SLIT2: variants seen among roughly 807,000 people sequenced by gnomAD.
SLIT2 encodes the protein slit homolog 2 protein.
In SLIT2, 41 loss-of-function variants were observed where a neutral mutation model predicts 185.7. The observed-to-expected ratio is 0.22, with a 90% CI of 0.17 to 0.29. SLIT2 has a LOEUF of 0.29. SLIT2 is among the 10% of genes least tolerant of loss of function. The probability of loss-of-function intolerance (pLI) is 1.00; values close to 1 mark genes in which losing one functional copy is unlikely to be tolerated. For synonymous variants in SLIT2, 693 were observed against 680.2 expected (o/e 1.02, Z -0.29); for missense variants, 1,571 against 1,909.0 (o/e 0.82, Z 3.30).
chr4:20,312,790 A>AG (rs1718240432), intron 4 of SLIT2, among the ~76,000 whole-genome samples: 1 of 150,226 alleles, frequency 6.7e-6, no homozygotes, highest in Non-Finnish European at 1.5e-5. Context: ...AAAAAAAAAA[A>AG]AAAGAAAGAA....
At chr4:20,329,306 TATA>T (rs1349123158) in intron 4 of SLIT2, among the ~76,000 whole-genome samples, 29 of 151,996 alleles carry the variant, frequency 1.9e-4, no homozygotes, top group African/African-American at 5.8e-4. Context: ...ACTTAATTAT[TATA>T]ATAAGATGAT....
At chr4:20,383,332 A>C (rs1285273617) in intron 4 of SLIT2, among the ~76,000 whole-genome samples, 1 of 152,208 alleles carries the variant, frequency 6.6e-6, no homozygotes, top group Non-Finnish European at 1.5e-5. Flanking sequence ...TATCTGATAA[A>C]GGATTTGTGT....
chr4:20,322,430 A>G (rs1016225694), intron 4 of SLIT2, among the ~76,000 whole-genome samples: 4 of 152,182 alleles, frequency 2.6e-5, no homozygotes, highest in African/African-American at 9.6e-5. Flanking sequence ...ATAGGTAGAT[A>G]AGAGACAAAT....
chr4:20,472,315 G>T (rs796953926), intron 5 of SLIT2, among the ~76,000 whole-genome samples: 98 of 12,704 alleles, frequency 7.7e-3, no homozygotes, highest in African/African-American at 0.014. Flanking sequence ...TCTATATATA[G>T]ATATATATAT....
rs756706565 is a variant in SLIT2 at position 20,268,883 on chromosome 4, TAAG to T, written c.395+3_395+5del. ...TGGGACTGCGAAGCTATACAGGCTG[TAAG>T]TAGACACAAATAGTTATTGTTGCTT... On this transcript the variant is annotated splice_donor_5th_base_variant and intron_variant, in intron 4 of 36. Coordinates refer to ENST00000504154, the MANE Select transcript of SLIT2 (RefSeq NM_004787.4). The T allele has an allele frequency of 1.3e-6, 2 of 1,562,660 alleles. No homozygotes were observed. Among genetic ancestry groups the T allele is most frequent in the Non-Finnish European group, 1.8e-6 (2 of 1,133,582 alleles).
intron 4 of SLIT2, among the ~76,000 whole-genome samples, chr4:20,437,853 T>C (rs1054907379): frequency 7.1e-6 from 1 of 141,328 alleles, no homozygotes; most frequent in African/African-American, 2.7e-5. Context: ...AGGCAGAGCT[T>C]GCAGTGAGCT....
intron 3 of SLIT2, among the ~76,000 whole-genome samples, chr4:20,263,519 C>T (rs1712717421): frequency 6.6e-6 from 1 of 151,712 alleles, no homozygotes; most frequent in Admixed American, 6.6e-5. Context: ...TCTACTGATG[C>T]TTGGTGTCTC....
intron 4 of SLIT2, among the ~76,000 whole-genome samples, chr4:20,270,272 A>G (rs541174077): frequency 1.3e-5 from 2 of 152,026 alleles, no homozygotes; most frequent in East Asian, 1.9e-4. Context: ...ACCTTTAGTT[A>G]TTGGTGACTG....
chr4:20,480,921 G>C (rs1031880528), intron 6 of SLIT2, 134 bp downstream of exon 6: 1 of 681,336 alleles, frequency 1.5e-6, no homozygotes, highest in Non-Finnish European at 2.6e-6. Context: ...ATAACTCATG[G>C]TGAATACAGA....
chr4:20,300,938 GTT>G (rs1463351974), intron 4 of SLIT2, among the ~76,000 whole-genome samples: 1 of 151,768 alleles, frequency 6.6e-6, no homozygotes, highest in African/African-American at 2.4e-5. Flanking sequence ...GGTATACATC[GTT>G]TTCTAATTTT....
At chr4:20,483,357 A>G (rs980665366) in intron 6 of SLIT2, among the ~76,000 whole-genome samples, 1 of 152,096 alleles carries the variant, frequency 6.6e-6, no homozygotes, top group Non-Finnish European at 1.5e-5. Flanking sequence ...TAACACTTGC[A>G]CGTTCACGGA....
chr4:20,513,023 A>C (rs546868012), intron 11 of SLIT2, among the ~76,000 whole-genome samples: 2 of 152,240 alleles, frequency 1.3e-5, no homozygotes, highest in Admixed American at 6.5e-5. Flanking sequence ...ATTATAAATT[A>C]TGTAATCTAA....
At chr4:20,589,900 CTTTTTTTTTTTT>C (rs34384249) in intron 30 of SLIT2, among the ~76,000 whole-genome samples, 163 bp downstream of exon 30, 1 of 84,502 alleles carries the variant, frequency 1.2e-5, no homozygotes, top group South Asian at 4.8e-4. Flanking sequence ...ACAATATGGA[CTTTTTTTTTTTT>C]TTTTTTTTTT....
chr4:20,527,713 C>CCCATCACATCATGCTATTTTTTCAA (rs1721421409), intron 15 of SLIT2, among the ~76,000 whole-genome samples: 1 of 152,074 alleles, frequency 6.6e-6, no homozygotes. Context: ...CATGACAATT[C>CCCATCACATCATGCTATTTTTTCAA]CCATCACATC....
Position 20,568,925 on chromosome 4 carries a change from A to C in SLIT2, c.3009A>C (p.Glu1003Asp). The change falls in exon 29 of 37, where the codon GAA (glutamate) becomes GAC (aspartate). Residue 1003 changes from glutamate to aspartate, a missense_variant. Glu to Asp is a conservative substitution (Grantham distance 45). This residue lies in a region of SLIT2 where 1,202 missense variants were observed against 1,416.4 expected (regional missense o/e 0.85). Transcript: ENST00000504154. ...GTGAAGTCAACGTTGATGATTGTGAAGATAATGACTGTGAAAATAATTCTA... is the reference window on the plus strand; with the variant it reads ...GTGAAGTCAACGTTGATGATTGTGACGATAATGACTGTGAAAATAATTCTA... Reference protein sequence around the residue: ...ENCEVNVDDCEDNDCENNSTC... With the variant: ...ENCEVNVDDCDDNDCENNSTC... The C allele has an allele frequency of 1.9e-6, 3 of 1,612,338 alleles. No individual in the cohort carries two copies. The highest frequency in any genetic ancestry group is 2.5e-6 in the Non-Finnish European group (3 of 1,178,598).
At chr4:20,614,394 G>T (rs1729473931) in intron 34 of SLIT2, among the ~76,000 whole-genome samples, 1 of 152,112 alleles carries the variant, frequency 6.6e-6, no homozygotes, top group Admixed American at 6.5e-5. Context: ...AAAGCTGTTT[G>T]CTAAGTTATC....
chr4:20,496,615 G>A (rs146349947), intron 9 of SLIT2, among the ~76,000 whole-genome samples: 64 of 152,064 alleles, frequency 4.2e-4, no homozygotes, highest in African/African-American at 1.5e-3. Context: ...CCTAATTATC[G>A]TATTTTGTAA....
rs1211611464 is a variant in SLIT2, at chr4:20,511,595, T to TTTTTTTTTTTTTTTA, written c.1058+466_1058+467insTTTTTTATTTTTTTT. On this transcript the variant is annotated intron_variant, in intron 11 of 36. Transcript: ENST00000504154. The stretch of plus-strand genomic sequence containing the variant: ...GCCACCACATCCAGCTAATTTTTTT[T>TTTTTTTTTTTTTTTA]TTTTTTTTATTTTTGGTAGAGATGG... Among the ~76,000 whole-genome samples, 135 of 137,884 alleles carry TTTTTTTTTTTTTTTA rather than the reference T, an allele frequency of 9.8e-4. 1 individual carries two copies. Among genetic ancestry groups the TTTTTTTTTTTTTTTA allele is most frequent in the Non-Finnish European group, 1.4e-3 (90 of 64,202 alleles). 90.5% of individuals were successfully genotyped at this position (137,884 alleles called of 152,430 possible).
intron 4 of SLIT2, among the ~76,000 whole-genome samples, chr4:20,315,441 C>T (rs1179626826): frequency 6.6e-6 from 1 of 152,014 alleles, no homozygotes; most frequent in African/African-American, 2.4e-5. Context: ...AGCAAGTAGG[C>T]TTGTGATGTG....
Sources: gnomAD v4.1 joint callset for allele counts (sites outside exome capture counted in the v4.1 genomes callset) on GRCh38, gnomAD v4.1.1 for gene constraint, gnomAD v4.1.1 regional missense constraint, MANE v1.5 for transcripts, NCBI Gene and HGNC (gene_info 2026-07-23, HGNC 2026-07-21) for gene names.